The following FOXO3B variants were observed in gnomAD, a reference collection of about 807,000 sequenced individuals.
FOXO3B encodes forkhead box protein O3B.
FOXO3B carries 15 observed loss-of-function variants against 21.9 expected under a neutral mutation model. The observed-to-expected ratio is 0.68, with a 90% CI of 0.46 to 1.05. The LOEUF is 1.05. Among genes scored for constraint, FOXO3B ranks in the 50% least tolerant of loss-of-function variants. The pLI is 0.00. For synonymous variants in FOXO3B, 135 were observed against 213.6 expected (o/e 0.63, Z 3.21); for missense variants, 293 against 435.5 (o/e 0.67, Z 2.91).
chr17:18,667,952 C>T lies in FOXO3B; in HGVS notation c.*4357G>A, dbSNP rs1348063562. ...AGCATTCTGCTGATATGCTCCAGAT[C>T]AGAAAATTATTGTTAGGGACCCGTG... On this transcript the variant is annotated 3_prime_UTR_variant, in exon 4 of 4. Transcript: ENST00000395675. 6.6e-6 allele frequency: 1 copy of T among 152,192 alleles called. No homozygotes were observed. The highest frequency in any genetic ancestry group is 1.9e-4 in the East Asian group (1 of 5,196). 9.4% of individuals were successfully genotyped at this position (152,192 alleles called of 1,614,324 possible). A position where few individuals can be genotyped will look rare whatever the true frequency, so the allele number is the denominator to read the frequency against.
rs1251759101 is a variant in FOXO3B, at chr17:18,673,010, C to T, written c.172G>A (p.Val58Ile). 1.8e-5 allele frequency: 26 copies of T among 1,465,344 alleles called. No homozygotes were observed. Among genetic ancestry groups the T allele is most frequent in the Non-Finnish European group, 2.3e-5 (26 of 1,115,482 alleles). 90.8% of individuals were successfully genotyped at this position (1,465,344 alleles called of 1,614,324 possible). The change falls in exon 4 of 4, where the codon GTC becomes ATC. Residue 58 changes from valine to isoleucine, a missense_variant. Physicochemically the swap from Val to Ile is conservative, Grantham distance 29. Around this residue, in one of 2 missense-constraint regions of FOXO3B, gnomAD observed 251 missense variants for 404.0 expected, o/e 0.62. Transcript: ENST00000395675. ...AAPGSRSLRG[V>I]HVPPPLHPAP... ...GGGTGCAGCGGGGGAGGGACGTGGA[C>T]GCCGCGAAGGCTCCGGCTCCCGGGC...
chr17:18,675,379 A>C (rs142405101), intron 3 of FOXO3B, among the ~76,000 whole-genome samples: 10,652 of 151,976 alleles, frequency 0.07, 412 homozygotes, highest in South Asian at 0.13. Flanking sequence ...CCTCATATAT[A>C]AGGACCTCTT....
rs1364924419 is a variant in FOXO3B at position 18,669,801 on chromosome 17, T to C, written c.*2508A>G. ...GCAAGGCTGAAAATAATCAAGGATG[T>C]GTATTTAGGAAAACAGTGAAGTTGG... On this transcript the variant is annotated 3_prime_UTR_variant, in exon 4 of 4. Coordinates refer to ENST00000395675, the MANE Select transcript of FOXO3B (RefSeq NM_001368135.1). Among the ~76,000 whole-genome samples the C allele has an allele frequency of 6.6e-6, 1 of 152,234 alleles. No individual in the cohort carries two copies. Among genetic ancestry groups the C allele is most frequent in the East Asian group, 1.9e-4 (1 of 5,204 alleles).
At chr17:18,680,370 G>T (rs916388579) in intron 3 of FOXO3B, among the ~76,000 whole-genome samples, 13 of 152,026 alleles carry the variant, frequency 8.6e-5, no homozygotes, top group African/African-American at 2.9e-4. Flanking sequence ...TTCTTAGATT[G>T]CCACTTAAAG....
chr17:18,677,911 C>CAAAAAAAAAAA (rs57669387), intron 3 of FOXO3B, among the ~76,000 whole-genome samples: 4 of 92,676 alleles, frequency 4.3e-5, no homozygotes, highest in Non-Finnish European at 4.2e-5. Context: ...GTTGGAAAAG[C>CAAAAAAAAAAA]AAAAAAAAAA....
At position 18,672,927 on chromosome 17, in the gene FOXO3B, C is replaced by T; in HGVS notation, c.255G>A (p.Lys85=). The T allele has an allele frequency of 6.5e-7, 1 of 1,538,256 alleles. No individual in the cohort carries two copies. Among genetic ancestry groups the T allele is most frequent in the South Asian group, 1.2e-5 (1 of 83,576 alleles). The change falls in exon 4 of 4, where the codon AAG becomes AAA. Residue 85 remains lysine (K), a synonymous_variant. Coordinates refer to ENST00000395675, the MANE Select transcript of FOXO3B (RefSeq NM_001368135.1). The surrounding 1 kb of genome is among the most constrained non-coding windows in gnomAD (Gnocchi z 4.2). ...CCGGGGAAGCCGGTGCCTCTGCCAT[C>T]TTCGCCGCCCGCCCGGCCGCGGCTG... ...RTPAAAGRAA[K]MAEAPASPAP...
intron 3 of FOXO3B, among the ~76,000 whole-genome samples, chr17:18,677,000 G>C (rs532715472): frequency 1.1e-4 from 17 of 152,332 alleles, no homozygotes; most frequent in Non-Finnish European, 2.2e-4. Flanking sequence ...ACCACACCCA[G>C]CTGAGAATAA....
chr17:18,672,885 G>A lies in FOXO3B; in HGVS notation c.297C>T (p.Leu99=). 1 of 1,561,616 alleles carries A rather than the reference G, an allele frequency of 6.4e-7. No homozygotes were observed. Among genetic ancestry groups the A allele is most frequent in the Non-Finnish European group, 8.7e-7 (1 of 1,155,912 alleles). ...CGAACTCCGGGTCCAGCTCCACTTCGAGCGGAGAAAGCGGGGCCGGGGAAG... is the reference window on the plus strand; with the variant it reads ...CGAACTCCGGGTCCAGCTCCACTTCAAGCGGAGAAAGCGGGGCCGGGGAAG... ...APASPAPLSP[L]EVELDPEFEP... The change falls in exon 4 of 4, where the codon CTC becomes CTT. Residue 99 remains leucine, a synonymous_variant. Coordinates refer to ENST00000395675, the MANE Select transcript of FOXO3B (RefSeq NM_001368135.1). This position sits in a 1 kb window ranked among gnomAD's most constrained non-coding sequence, Gnocchi z 4.2.
At position 18,672,749 on chromosome 17, in the gene FOXO3B, C is replaced by T. The variant is rs745605026; in HGVS notation, c.433G>A (p.Glu145Lys). ...ETAADSMIPEEEDDEDDEDGG... is the reference protein window; with the variant it reads ...ETAADSMIPEKEDDEDDEDGG... Reference sequence around the variant, plus strand: ...TCCTCGTCGTCTTCATCGTCCTCCTCCTCGGGGATCATGGAGTCGGCGGCC... The same window carrying T: ...TCCTCGTCGTCTTCATCGTCCTCCTTCTCGGGGATCATGGAGTCGGCGGCC... Residue 145 changes from glutamate to lysine, a missense_variant, in exon 4 of 4, where the codon GAG becomes AAG. Around this residue, in one of 2 missense-constraint regions of FOXO3B, gnomAD observed 251 missense variants for 404.0 expected, o/e 0.62. Coordinates refer to ENST00000395675, the MANE Select transcript of FOXO3B (RefSeq NM_001368135.1). This position sits in a 1 kb window ranked among gnomAD's most constrained non-coding sequence, Gnocchi z 4.2. 13 of 1,539,842 alleles carry T rather than the reference C, an allele frequency of 8.4e-6. No individual in the cohort carries two copies. In the South Asian group the frequency reaches 1.4e-4, roughly 17 times the overall value.
Position 18,672,313 on chromosome 17 carries a change from C to A in FOXO3B, c.869G>T (p.Gly290Val). 1 of 1,612,612 alleles carries A rather than the reference C, an allele frequency of 6.2e-7. No individual in the cohort carries two copies. Among genetic ancestry groups the A allele is most frequent in the Non-Finnish European group, 8.5e-7 (1 of 1,178,958 alleles). ...KDKGNSNSSA[G>V] ...GTTGTGCCGGATGGAGTTCTTCTAG[C>A]CGGCAGAGCTGTTGCTGTTGCCCTT... Residue 290 changes from glycine (G) to valine (V), a missense_variant, in exon 4 of 4, where the codon GGC (glycine) becomes GTC (valine). This residue lies in a region of FOXO3B where 42 missense variants were observed against 31.5 expected (regional missense o/e 1.33). Transcript: ENST00000395675. This position sits in a 1 kb window ranked among gnomAD's most constrained non-coding sequence, Gnocchi z 4.2.
chr17:18,680,772 A>T lies in FOXO3B; in HGVS notation c.95T>A (p.Val32Glu), dbSNP rs1201960951. The T allele has an allele frequency of 6.2e-7, 1 of 1,613,902 alleles. No homozygotes were observed. Among genetic ancestry groups the T allele is most frequent in the South Asian group, 1.1e-5 (1 of 91,032 alleles). Residue 32 changes from valine to glutamate, a missense_variant, in exon 3 of 4, where the codon GTG becomes GAG. By Grantham distance (121) the Val-to-Glu change is moderately radical. Transcript: ENST00000395675. ...FQEKSTEEGE[V>E]AALRLTARSQ... ...TCTGGCCGTGAGGCGCAGAGCAGCC[A>T]CTTCTCCCTCTTCTGTGCTCTTCTC...
chr17:18,676,396 T>C (rs4449005), intron 3 of FOXO3B, among the ~76,000 whole-genome samples: 87,562 of 151,968 alleles, frequency 0.58, 25,312 homozygotes, highest in Middle Eastern at 0.63. Flanking sequence ...CTGCTACTAA[T>C]GGCAAAAAAA....
At position 18,682,277 on chromosome 17, in the gene FOXO3B, G is replaced by C; in HGVS notation, c.-269C>G. 1 of 607,418 alleles carries C rather than the reference G, an allele frequency of 1.6e-6. No homozygotes were observed. The highest frequency in any genetic ancestry group is 3.1e-5 in the East Asian group (1 of 32,104). The allele number at this position is 607,418 out of a possible 1,614,324, so 37.6% of individuals were successfully genotyped here. On this transcript the variant is annotated 5_prime_UTR_variant, in exon 1 of 4. Transcript: ENST00000395675. ...GAGTCGCGCATGAGTAAGAAGGAGCGGAGCCAGGCGTGCTGCTCTCATTCC... is the reference window on the plus strand; with the variant it reads ...GAGTCGCGCATGAGTAAGAAGGAGCCGAGCCAGGCGTGCTGCTCTCATTCC...
intron 3 of FOXO3B, among the ~76,000 whole-genome samples, chr17:18,680,215 T>A (rs1276200958): frequency 2.0e-5 from 3 of 152,276 alleles, no homozygotes; most frequent in Non-Finnish European, 4.4e-5. Context: ...GCAGGCATGA[T>A]CATACCTTAG....
chr17:18,681,998 C>T, intron 1 of FOXO3B, 152 bp from the exon 2 acceptor site: 1 of 611,088 alleles, frequency 1.6e-6, no homozygotes. Flanking sequence ...GGGCACTGGC[C>T]CAGGACCCCG....
In FOXO3B at chr17:18,672,960, C is replaced by T. The variant is rs951879903; in HGVS notation, c.222G>A (p.Ala74=). Residue 74 remains alanine (A), a synonymous_variant, in exon 4 of 4, where the codon GCG becomes GCA. Coordinates refer to ENST00000395675, the MANE Select transcript of FOXO3B (RefSeq NM_001368135.1). This position sits in a 1 kb window ranked among gnomAD's most constrained non-coding sequence, Gnocchi z 4.2. ...LHPAPAREES[A]RTPAAAGRAA... ...CCCGCCCGGCCGCGGCTGGGGTTCT[C>T]GCGCTCTCCTCTCGCGCCGGGGCGG... 1 of 1,513,614 alleles carries T rather than the reference C, an allele frequency of 6.6e-7. No homozygotes were observed. Among genetic ancestry groups the T allele is most frequent in the Non-Finnish European group, 8.8e-7 (1 of 1,134,382 alleles). 93.8% of individuals were successfully genotyped at this position (1,513,614 alleles called of 1,614,324 possible). A position where few individuals can be genotyped will look rare whatever the true frequency, so the allele number is the denominator to read the frequency against.
In FOXO3B at chr17:18,681,980, C is replaced by T. The variant is rs1052297223; in HGVS notation, c.-195-134G>A. 1.8e-5 allele frequency: 11 copies of T among 613,406 alleles called. No individual in the cohort carries two copies. The African/African-American group carries it at 1.9e-4, about 10-fold the overall frequency. The allele number at this position is 613,406 out of a possible 1,614,324, so 38.0% of individuals were successfully genotyped here. ...CATCAGGAGTTTGGACAAATTCTGC[C>T]GCGCTCGGGGCACTGGCCCAGGACC... On this transcript the variant is annotated intron_variant, in intron 1 of 3. Coordinates refer to ENST00000395675, the MANE Select transcript of FOXO3B (RefSeq NM_001368135.1).
rs899469342 is a variant in FOXO3B, at chr17:18,675,755, T to C, written c.127-2700A>G. Among the ~76,000 whole-genome samples, 8 of 152,190 alleles carry C rather than the reference T, an allele frequency of 5.3e-5. No homozygotes were observed. The South Asian group carries it at 8.3e-4, about 16-fold the overall frequency. ...TATTCCATGAACAATGCTGGACTTA[T>C]TGGCTTTCAGCACGGAAAAAGACAA... is the stretch of plus-strand genomic sequence containing the variant. On this transcript the variant is annotated intron_variant, in intron 3 of 3. Coordinates refer to ENST00000395675, the MANE Select transcript of FOXO3B (RefSeq NM_001368135.1).
In FOXO3B at chr17:18,671,337, T is replaced by C. The variant is rs1343676102; in HGVS notation, c.*972A>G. On this transcript the variant is annotated 3_prime_UTR_variant, in exon 4 of 4. Transcript: ENST00000395675. The stretch of plus-strand genomic sequence containing the variant: ...GTGCTGGTGGTGGAGCAAGTTCTGA[T>C]TGACCACACTTCCCTGGTTAGGCTG... 3.7e-6 allele frequency: 6 copies of C among 1,613,640 alleles called. No individual in the cohort carries two copies. The highest frequency in any genetic ancestry group is 3.3e-5 in the Admixed American group (2 of 59,978).
Sources: allele counts gnomAD v4.1 joint callset (sites outside exome capture counted in the v4.1 genomes callset), GRCh38; gene constraint gnomAD v4.1.1; regional missense constraint gnomAD v4.1.1; non-coding constraint Gnocchi (gnomAD v3.1); transcripts MANE v1.5; gene names NCBI Gene and HGNC (gene_info 2026-07-23, HGNC 2026-07-21).